The following DNAH1 variants were observed in gnomAD, a reference collection of about 807,000 sequenced individuals.
DNAH1 encodes the protein axonemal beta dynein heavy chain 1.
In DNAH1, 327 loss-of-function variants were observed where a neutral mutation model predicts 484.3. That is an observed-to-expected ratio of 0.68 (90% CI 0.62 to 0.74). The LOEUF (loss-of-function observed/expected upper bound fraction) is 0.74, where lower values mean the gene tolerates loss of function less well. Ranked by LOEUF, DNAH1 falls within the 30% of genes least tolerant of loss-of-function variation. The pLI, the probability that DNAH1 is intolerant of heterozygous loss-of-function variation, is 0.00. For synonymous variants in DNAH1, 2,192 were observed against 2,191.9 expected (o/e 1.00, Z 0.00); for missense variants, 5,052 against 5,546.8 (o/e 0.91, Z 2.83).
intron 36 of DNAH1, 130 bp downstream of exon 36, chr3:52,367,017 T>C: frequency 8.6e-7 from 1 of 1,157,066 alleles, no homozygotes; most frequent in African/African-American, 1.5e-5. Context: ...TGGGATTCTA[T>C]TCTCCATTCT....
chr3:52,372,925 G>A lies in DNAH1; in HGVS notation c.6857G>A (p.Gly2286Glu). 2 of 1,613,652 alleles carry A rather than the reference G, an allele frequency of 1.2e-6. No individual in the cohort carries two copies. Among genetic ancestry groups the A allele is most frequent in the Non-Finnish European group, 1.7e-6 (2 of 1,179,772 alleles). ...RRKGVFGPPL[G>E]RNFIFFIDDL... ...AAGGGTGTGTTTGGACCACCTCTGG[G>A]GCGCAACTTTATCTTCTTCATCGAT... The change falls in exon 44 of 78, where the codon GGG (glycine) becomes GAG (glutamate). Residue 2286 changes from glycine (G) to glutamate (E), a missense_variant. Coordinates refer to ENST00000420323, the MANE Select transcript of DNAH1 (RefSeq NM_015512.5).
Position 52,386,150 on chromosome 3 carries a change from C to T in DNAH1, c.8626-10C>T, listed in dbSNP as rs771382874. 1 of 1,608,568 alleles carries T rather than the reference C, an allele frequency of 6.2e-7. No homozygotes were observed. The highest frequency in any genetic ancestry group is 1.1e-5 in the South Asian group (1 of 90,620). The stretch of plus-strand genomic sequence containing the variant: ...AGGGGGGAGGACATCCCTATGTCTC[C>T]CATCCCCAGGTGGATACGGCCATCG... On this transcript the variant is annotated splice_polypyrimidine_tract_variant and intron_variant, in intron 54 of 77. Transcript: ENST00000420323.
intron 42 of DNAH1, 66 bp downstream of exon 42, chr3:52,372,152 C>T (rs1031736303): frequency 1.2e-6 from 2 of 1,609,996 alleles, no homozygotes; most frequent in Non-Finnish European, 1.7e-6. Context: ...GACCAGCCTC[C>T]CACATGGATG....
In DNAH1 at chr3:52,357,753, A is replaced by G. The variant is rs1702675877; in HGVS notation, c.3980+18A>G. The G allele has an allele frequency of 6.4e-7, 1 of 1,573,432 alleles. No homozygotes were observed. Among genetic ancestry groups the G allele is most frequent in the Non-Finnish European group, 8.6e-7 (1 of 1,159,602 alleles). ...TTCCCCAGGTGGGCGCCACCTGGCC[A>G]TGCCCACTCCGCCACTGTCTGCCCA... On this transcript the variant is annotated intron_variant, in intron 23 of 77. Coordinates refer to ENST00000420323, the MANE Select transcript of DNAH1 (RefSeq NM_015512.5).
At chr3:52,342,893 G>T (rs1418965416) in intron 8 of DNAH1, among the ~76,000 whole-genome samples, 2 of 152,222 alleles carry the variant, frequency 1.3e-5, no homozygotes, top group Admixed American at 6.5e-5. Context: ...AGGTGTGAGG[G>T]TTCTGGCTGA....
At chr3:52,328,158 C>A in intron 6 of DNAH1, 144 bp downstream of exon 6, 1 of 1,113,866 alleles carries the variant, frequency 9.0e-7, no homozygotes, top group Non-Finnish European at 1.2e-6. Context: ...GGCCTAGAAG[C>A]TGGCCTCACA....
intron 12 of DNAH1, 37 bp from the exon 13 acceptor site, chr3:52,348,851 A>C: frequency 6.2e-7 from 1 of 1,601,222 alleles, no homozygotes; most frequent in Non-Finnish European, 8.5e-7. Context: ...CCCCTGGCTC[A>C]TCCAGGTCTG....
At chr3:52,352,530 C>T (rs1263041638) in intron 17 of DNAH1, 22 bp from the exon 18 acceptor site, 2 of 1,600,816 alleles carry the variant, frequency 1.2e-6, no homozygotes, top group Admixed American at 1.7e-5. Flanking sequence ...GGGCATCTGA[C>T]CCATTGCTCC....
intron 37 of DNAH1, among the ~76,000 whole-genome samples, 160 bp from the exon 38 acceptor site, chr3:52,369,665 G>T (rs1703234134): frequency 6.6e-6 from 1 of 152,088 alleles, no homozygotes; most frequent in African/African-American, 2.4e-5. Context: ...ATCAGCTGAG[G>T]ACCCAGCGGT....
intron 15 of DNAH1, 85 bp downstream of exon 15, chr3:52,350,193 AGGTC>A: frequency 6.5e-7 from 1 of 1,546,240 alleles, no homozygotes; most frequent in Non-Finnish European, 8.7e-7. Flanking sequence ...AGGGGCTGGG[AGGTC>A]GGACTCAGGA....
chr3:52,370,878 G>C, intron 41 of DNAH1, 53 bp downstream of exon 41: 2 of 1,521,116 alleles, frequency 1.3e-6, no homozygotes, highest in Non-Finnish European at 1.8e-6. Context: ...CTGGGTGGCT[G>C]CTGTTCCCGC....
At chr3:52,363,262 G>A (rs1357209355) in intron 32 of DNAH1, 118 bp downstream of exon 32, 27 of 1,348,996 alleles carry the variant, frequency 2.0e-5, no homozygotes, top group South Asian at 1.1e-4. Flanking sequence ...TTACCTTGTC[G>A]GCTTCTCCCA....
At chr3:52,372,872 G>C (rs200421756) in intron 43 of DNAH1, 24 bp from the exon 44 acceptor site, 29 of 1,601,822 alleles carry the variant, frequency 1.8e-5, no homozygotes, top group Non-Finnish European at 2.5e-5. Flanking sequence ...GTGGGTGCTG[G>C]GCTCACACAG....
At position 52,370,546 on chromosome 3, in the gene DNAH1, TC is replaced by T. The variant is rs1302850450; in HGVS notation, c.6331del (p.Leu2111Ter). On this transcript the variant is annotated frameshift_variant, in exon 40 of 78. Coordinates refer to ENST00000420323, the MANE Select transcript of DNAH1 (RefSeq NM_015512.5). LOFTEE classifies it high-confidence loss of function. ...VELIEPWFIF[S>X]LIWSVGATGD... The stretch of plus-strand genomic sequence containing the variant: ...GTTGATCGAGCCCTGGTTCATCTTC[TC>T]CCTGATCTGGAGCGTGGGTGCCACT... 1.2e-6 allele frequency: 2 copies of T among 1,613,944 alleles called. No homozygotes were observed. The highest frequency in any genetic ancestry group is 2.7e-5 in the African/African-American group (2 of 75,040).
rs759894029 is a variant in DNAH1, at chr3:52,383,545, G to C, written c.8101G>C (p.Ala2701Pro). 5 of 1,611,560 alleles carry C rather than the reference G, an allele frequency of 3.1e-6. No individual in the cohort carries two copies. In the African/African-American group the frequency reaches 6.7e-5, roughly 22 times the overall value. Residue 2701 changes from alanine to proline, a missense_variant, in exon 51 of 78, where the codon GCT (alanine) becomes CCT (proline). This residue lies in a region of DNAH1 where 2,929 missense variants were observed against 3,409.4 expected (regional missense o/e 0.86). Coordinates refer to ENST00000420323, the MANE Select transcript of DNAH1 (RefSeq NM_015512.5). ...LQPTKANLMA[A>P]YTGRVRSNIH... ...GCCCACCAAGGCCAACCTCATGGCT[G>C]CTTACACAGGGCGTGTGCGCAGCAA... is the stretch of plus-strand genomic sequence containing the variant.
At chr3:52,398,245 G>A (rs1704728810) in intron 75 of DNAH1, 83 bp downstream of exon 75, 14 of 1,484,874 alleles carry the variant, frequency 9.4e-6, no homozygotes, top group African/African-American at 1.4e-5. Context: ...TATGGGCCAG[G>A]TGCCATGCCA....
In DNAH1 at chr3:52,392,450, C is replaced by T. The variant is rs1356538924; in HGVS notation, c.10053-14C>T. ...ACCAGGTATTACAGACTTGGTGTCC[C>T]CTGCCCCCGGCAGTGGCCTAGAGGA... On this transcript the variant is annotated splice_polypyrimidine_tract_variant and intron_variant, in intron 63 of 77. Coordinates refer to ENST00000420323, the MANE Select transcript of DNAH1 (RefSeq NM_015512.5). 1.2e-6 allele frequency: 2 copies of T among 1,612,492 alleles called. No individual in the cohort carries two copies. The highest frequency in any genetic ancestry group is 1.7e-6 in the Non-Finnish European group (2 of 1,179,588).
At position 52,379,973 on chromosome 3, in the gene DNAH1, TGAG is replaced by T. The variant is rs930916976; in HGVS notation, c.7452_7454del (p.Glu2484del). ...GCGTGTTCCGGGACCGACTGGTGAA[TGAG>T]GAGGACCGCAGCTGGTTCGACCAGC... On this transcript the variant is annotated inframe_deletion, in exon 48 of 78. Coordinates refer to ENST00000420323, the MANE Select transcript of DNAH1 (RefSeq NM_015512.5). This position sits in a 1 kb window ranked among gnomAD's most constrained non-coding sequence, Gnocchi z 4.4. 1.3e-6 allele frequency: 2 copies of T among 1,586,466 alleles called. No homozygotes were observed. Among genetic ancestry groups the T allele is most frequent in the African/African-American group, 2.7e-5 (2 of 74,224 alleles).
rs1164329451 is a variant in DNAH1, at chr3:52,364,554, C to T, written c.5245-84C>T. 3.3e-6 allele frequency: 5 copies of T among 1,507,846 alleles called. No individual in the cohort carries two copies. In the Admixed American group the frequency reaches 5.0e-5, roughly 15 times the overall value. 93.4% of individuals were successfully genotyped at this position (1,507,846 alleles called of 1,614,324 possible). A position where few individuals can be genotyped will look rare whatever the true frequency, so the allele number is the denominator to read the frequency against. On this transcript the variant is annotated intron_variant, in intron 32 of 77. Transcript: ENST00000420323. This position sits in a 1 kb window ranked among gnomAD's most constrained non-coding sequence, Gnocchi z 4.2. ...TGAGCTGGTGATGAGACTTGGCCAACTGCCAGGTGGGAGGCAGAGTGTTCC... is the reference window on the plus strand; with the variant it reads ...TGAGCTGGTGATGAGACTTGGCCAATTGCCAGGTGGGAGGCAGAGTGTTCC...
Sources: allele counts gnomAD v4.1 joint callset (sites outside exome capture counted in the v4.1 genomes callset), GRCh38; gene constraint gnomAD v4.1.1; regional missense constraint gnomAD v4.1.1; non-coding constraint Gnocchi (gnomAD v3.1); transcripts MANE v1.5; gene names NCBI Gene and HGNC (gene_info 2026-07-23, HGNC 2026-07-21).